Variants in CXCL13 observed in about 807,000 individuals in gnomAD.
CXCL13 encodes C-X-C motif chemokine 13.
A neutral mutation model predicts 12.2 loss-of-function variants in CXCL13; 7 were observed. The ratio of observed to expected loss-of-function variants is 0.57; its 90% CI spans 0.33 to 1.07. CXCL13 has a LOEUF of 1.07. Among genes scored for constraint, CXCL13 ranks in the 50% least tolerant of loss-of-function variants. The pLI is 0.04. For synonymous variants in CXCL13, 47 were observed against 42.4 expected (o/e 1.11, Z -0.42); for missense variants, 113 against 127.4 (o/e 0.89, Z 0.55).
At chr4:77,587,178 G>A (rs969204410) in intron 1 of CXCL13, among the ~76,000 whole-genome samples, 6 of 152,190 alleles carry the variant, frequency 3.9e-5, no homozygotes, top group African/African-American at 1.4e-4. Context: ...TAAGTCTGAT[G>A]TCTTACTTGC....
Position 77,607,696 on chromosome 4 carries a change from C to T in CXCL13, c.65-7C>T. ...ATTAAAATAACTGATTCTGTGTTTA[C>T]TTACAGGTGTTCTGGAGGTCTATTA... On this transcript the variant is annotated splice_region_variant and splice_polypyrimidine_tract_variant and intron_variant, in intron 1 of 3. Transcript: ENST00000682537. 1 of 1,602,806 alleles carries T rather than the reference C, an allele frequency of 6.2e-7. No homozygotes were observed. The highest frequency in any genetic ancestry group is 8.5e-7 in the Non-Finnish European group (1 of 1,175,404).
At chr4:77,594,195 G>A (rs1286756728) in intron 1 of CXCL13, among the ~76,000 whole-genome samples, 1 of 152,136 alleles carries the variant, frequency 6.6e-6, no homozygotes, top group Non-Finnish European at 1.5e-5. Context: ...TCTATCTCTG[G>A]AGGCTGCCAG....
intron 1 of CXCL13, among the ~76,000 whole-genome samples, chr4:77,575,262 A>G (rs1726174707): frequency 6.6e-6 from 1 of 151,930 alleles, no homozygotes; most frequent in African/African-American, 2.4e-5. Flanking sequence ...CCGGAATTCT[A>G]TCTAATAACA....
chr4:77,588,365 G>A (rs1366728991), intron 1 of CXCL13, among the ~76,000 whole-genome samples: 1 of 152,138 alleles, frequency 6.6e-6, no homozygotes, highest in Non-Finnish European at 1.5e-5. Context: ...GGGTAGGCGG[G>A]GAAGTTGATT....
intron 1 of CXCL13, among the ~76,000 whole-genome samples, chr4:77,533,684 A>T (rs1333301333): frequency 6.6e-6 from 1 of 152,152 alleles, no homozygotes; most frequent in Non-Finnish European, 1.5e-5. Flanking sequence ...GGCTCCACTC[A>T]GTTCGAGCTA....
At chr4:77,589,293 T>G (rs11946019) in intron 1 of CXCL13, among the ~76,000 whole-genome samples, 46,114 of 152,040 alleles carry the variant, frequency 0.3, 7,720 homozygotes, top group Middle Eastern at 0.47. Flanking sequence ...TCTGGGACAC[T>G]AATCATCCCT....
intron 1 of CXCL13, among the ~76,000 whole-genome samples, chr4:77,573,383 TG>T (rs1726136624): frequency 2.0e-5 from 3 of 149,922 alleles, no homozygotes; most frequent in African/African-American, 7.5e-5. Context: ...TGTGTGTGTG[TG>T]TGTGTGTGTG....
chr4:77,525,134 G>A (rs529059237), intron 1 of CXCL13, among the ~76,000 whole-genome samples: 14 of 152,292 alleles, frequency 9.2e-5, no homozygotes, highest in African/African-American at 1.7e-4. Context: ...GGATGATGCA[G>A]CACAAAGGCT....
At chr4:77,563,775 A>T (rs1725866838) in intron 1 of CXCL13, among the ~76,000 whole-genome samples, 1 of 152,194 alleles carries the variant, frequency 6.6e-6, no homozygotes, top group Non-Finnish European at 1.5e-5. Context: ...TCTCCTCCTC[A>T]TTGTTAGAAT....
chr4:77,512,668 G>A (rs1020048761), intron 1 of CXCL13, among the ~76,000 whole-genome samples: 15 of 152,084 alleles, frequency 9.9e-5, no homozygotes, highest in African/African-American at 3.6e-4. Context: ...TAAAAACCCT[G>A]TCTCCAAATA....
At chr4:77,533,478 G>A (rs199634153) in intron 1 of CXCL13, among the ~76,000 whole-genome samples, 2 of 152,182 alleles carry the variant, frequency 1.3e-5, no homozygotes, top group African/African-American at 2.4e-5. Flanking sequence ...CTACTCAGGG[G>A]TCAGGGACCC....
chr4:77,524,229 A>C (rs1291329141), intron 1 of CXCL13, among the ~76,000 whole-genome samples: 1 of 152,146 alleles, frequency 6.6e-6, no homozygotes, highest in Non-Finnish European at 1.5e-5. Context: ...CTCAGAGCTC[A>C]AATGCCATGC....
chr4:77,595,942 G>A (rs1019809324), intron 1 of CXCL13, among the ~76,000 whole-genome samples: 2 of 152,150 alleles, frequency 1.3e-5, no homozygotes, highest in Non-Finnish European at 2.9e-5. Context: ...TCACATAGAG[G>A]CTCCTCAATT....
In CXCL13 at chr4:77,547,282, C is replaced by A. The variant is rs149549683; in HGVS notation, c.-43+35494C>A. ...AGAGCTGAGTTCAATTCCTGGATAT[C>A]CTTGTTAATTTTCTGTCTCATTGAT... On this transcript the variant is annotated intron_variant, in intron 1 of 4. Transcript: ENST00000286758. Among the ~76,000 whole-genome samples the A allele has an allele frequency of 6.2e-3, 941 of 152,262 alleles. 5 individuals are homozygous for A. Among genetic ancestry groups the A allele is most frequent in the African/African-American group, 0.021 (891 of 41,544 alleles).
intron 1 of CXCL13, among the ~76,000 whole-genome samples, chr4:77,537,380 TA>T (rs1725084772): frequency 6.6e-6 from 1 of 152,178 alleles, no homozygotes; most frequent in African/African-American, 2.4e-5. Flanking sequence ...TATCCCAACC[TA>T]CCTCTCCATC....
In CXCL13 at chr4:77,594,852, C is replaced by G. The variant is rs534440368; in HGVS notation, c.-42-10972C>G. ...GGTTGATAGGGGCAGCAAACCACCACAGCACCTGTTTACCTATGTAACAAA... is the reference window on the plus strand; with the variant it reads ...GGTTGATAGGGGCAGCAAACCACCAGAGCACCTGTTTACCTATGTAACAAA... On this transcript the variant is annotated intron_variant, in intron 1 of 4. Coordinates refer to the CXCL13 transcript ENST00000286758. Among the ~76,000 whole-genome samples the G allele has an allele frequency of 2.1e-4, 32 of 152,288 alleles. No individual in the cohort carries two copies. The East Asian group carries it at 5.6e-3, about 27-fold the overall frequency.
chr4:77,550,759 T>C (rs1725497711), intron 1 of CXCL13, among the ~76,000 whole-genome samples: 1 of 152,212 alleles, frequency 6.6e-6, no homozygotes, highest in Admixed American at 6.5e-5. Flanking sequence ...AGTCTTTTCA[T>C]AGGTCTAGAA....
chr4:77,523,823 C>G (rs1724686183), intron 1 of CXCL13, among the ~76,000 whole-genome samples: 1 of 152,212 alleles, frequency 6.6e-6, no homozygotes, highest in Non-Finnish European at 1.5e-5. Flanking sequence ...CTTTTCTGCT[C>G]TGGTTTCTCC....
At chr4:77,582,197 C>T (rs1398078042) in intron 1 of CXCL13, among the ~76,000 whole-genome samples, 1 of 151,062 alleles carries the variant, frequency 6.6e-6, no homozygotes, top group Non-Finnish European at 1.5e-5. Flanking sequence ...ATGAATACCC[C>T]CTCCCTCTAT....
Sources: gnomAD v4.1 joint callset for allele counts (sites outside exome capture counted in the v4.1 genomes callset) on GRCh38, gnomAD v4.1.1 for gene constraint, MANE v1.5 for transcripts, NCBI Gene and HGNC (gene_info 2026-07-23, HGNC 2026-07-21) for gene names.